CMTM8: variants seen among roughly 807,000 people sequenced by gnomAD.
CMTM8 encodes CKLF-like MARVEL transmembrane domain-containing protein 8.
A neutral mutation model predicts 18.6 loss-of-function variants in CMTM8; 12 were observed. The observed-to-expected ratio is 0.65, with a 90% CI of 0.41 to 1.05. The LOEUF is 1.05. Ranked by LOEUF, CMTM8 falls within the 50% of genes least tolerant of loss-of-function variation. The pLI is 0.00. For missense variants in CMTM8, 217 were observed against 227.2 expected, an observed-to-expected ratio of 0.95 and a Z score of 0.29; for synonymous variants, 87 against 90.6, an observed-to-expected ratio of 0.96 and a Z score of 0.23.
chr3:32,307,552 G>A (rs1286753515), intron 1 of CMTM8, among the ~76,000 whole-genome samples: 2 of 152,182 alleles, frequency 1.3e-5, no homozygotes, highest in Non-Finnish European at 2.9e-5. Context: ...AGACTGTGGA[G>A]TGGCAAGGCA....
intron 1 of CMTM8, among the ~76,000 whole-genome samples, chr3:32,279,170 TTTTTTTTTAA>T (rs1260716320): frequency 1.6e-5 from 2 of 125,404 alleles, no homozygotes; most frequent in Admixed American, 7.9e-5. Context: ...ATTAGTGATT[TTTTTTTTTAA>T]TTTTTTTTTT....
intron 1 of CMTM8, among the ~76,000 whole-genome samples, chr3:32,272,692 A>G (rs1702456375): frequency 6.6e-6 from 1 of 152,152 alleles, no homozygotes; most frequent in African/African-American, 2.4e-5. Context: ...CCCAAATGAG[A>G]GAATATGTGG....
chr3:32,254,760 T>C (rs1166265113), intron 1 of CMTM8, among the ~76,000 whole-genome samples: 1 of 152,202 alleles, frequency 6.6e-6, no homozygotes, highest in Non-Finnish European at 1.5e-5. Context: ...GTTTACATAC[T>C]GTAAAGTTCA....
At chr3:32,266,693 A>G (rs1403837334) in intron 1 of CMTM8, among the ~76,000 whole-genome samples, 7 of 152,230 alleles carry the variant, frequency 4.6e-5, no homozygotes, top group African/African-American at 1.4e-4. Context: ...ATGATTGTAT[A>G]TCTAGAAAAC....
At chr3:32,308,734 T>C (rs913889601) in intron 1 of CMTM8, among the ~76,000 whole-genome samples, 15 of 152,210 alleles carry the variant, frequency 9.9e-5, no homozygotes, top group Admixed American at 5.9e-4. Context: ...CTGCTCTTAA[T>C]GTATTTTAAT....
intron 1 of CMTM8, among the ~76,000 whole-genome samples, chr3:32,310,551 T>G (rs1485837317): frequency 1.3e-5 from 2 of 152,206 alleles, no homozygotes; most frequent in Non-Finnish European, 2.9e-5. Context: ...GTTATTTTCC[T>G]GCAGCGCGAG....
At chr3:32,333,478 A>ATTGTGT (rs1696320476) in intron 1 of CMTM8, among the ~76,000 whole-genome samples, 1 of 152,156 alleles carries the variant, frequency 6.6e-6, no homozygotes, top group South Asian at 2.1e-4. Context: ...ACCCCTGGTG[A>ATTGTGT]TTGTGTATAC....
intron 1 of CMTM8, among the ~76,000 whole-genome samples, chr3:32,265,807 C>T (rs1176453322): frequency 1.3e-5 from 2 of 152,230 alleles, no homozygotes; most frequent in Non-Finnish European, 2.9e-5. Flanking sequence ...AAACTACCAT[C>T]AGAGAATACT....
intron 1 of CMTM8, among the ~76,000 whole-genome samples, chr3:32,253,930 G>A (rs186707976): frequency 6.6e-6 from 1 of 151,682 alleles, no homozygotes; most frequent in Non-Finnish European, 1.5e-5. Flanking sequence ...TTTCACGCTT[G>A]TTGCCCAGGC....
At chr3:32,352,065 C>A (rs1224975575) in intron 1 of CMTM8, among the ~76,000 whole-genome samples, 3 of 151,540 alleles carry the variant, frequency 2.0e-5, no homozygotes, top group African/African-American at 7.3e-5. Context: ...GTAATTACAG[C>A]TACTCGGGAG....
chr3:32,275,578 C>G (rs1702504638), intron 1 of CMTM8, among the ~76,000 whole-genome samples: 1 of 151,728 alleles, frequency 6.6e-6, no homozygotes, highest in South Asian at 2.1e-4. Context: ...CCGCTCTGTC[C>G]CTCAAAGGTA....
intron 1 of CMTM8, among the ~76,000 whole-genome samples, chr3:32,297,365 A>C (rs1046880747): frequency 1.3e-5 from 2 of 152,216 alleles, no homozygotes; most frequent in African/African-American, 4.8e-5. Context: ...TTTTTAGTAG[A>C]GGTGGGGTTT....
At chr3:32,261,957 A>C (rs772976718) in intron 1 of CMTM8, among the ~76,000 whole-genome samples, 1 of 152,180 alleles carries the variant, frequency 6.6e-6, no homozygotes, top group Non-Finnish European at 1.5e-5. Context: ...CAAGGGATTT[A>C]TTATGCATCA....
chr3:32,268,113 T>C (rs554224168), intron 1 of CMTM8, among the ~76,000 whole-genome samples: 1 of 152,364 alleles, frequency 6.6e-6, no homozygotes, highest in South Asian at 2.1e-4. Context: ...CAAAGGATTA[T>C]AAATCATGCT....
intron 1 of CMTM8, among the ~76,000 whole-genome samples, chr3:32,294,560 A>C (rs1170415741): frequency 6.6e-6 from 1 of 152,064 alleles, no homozygotes; most frequent in Non-Finnish European, 1.5e-5. Flanking sequence ...CCTTGGTCAA[A>C]TTTCTTCTTG....
chr3:32,288,511 T>TTA (rs987563871), intron 1 of CMTM8, among the ~76,000 whole-genome samples: 3 of 151,340 alleles, frequency 2.0e-5, no homozygotes, highest in African/African-American at 7.3e-5. Context: ...AGCTATCATT[T>TTA]TTTTTTTGAA....
At chr3:32,284,365 GA>G (rs1184834819) in intron 1 of CMTM8, among the ~76,000 whole-genome samples, 1 of 152,242 alleles carries the variant, frequency 6.6e-6, no homozygotes, top group African/African-American at 2.4e-5. Context: ...GGAGTCTTGA[GA>G]GTTAAGTCGG....
intron 1 of CMTM8, among the ~76,000 whole-genome samples, chr3:32,336,953 C>A (rs945529312): frequency 3.9e-5 from 6 of 152,116 alleles, no homozygotes; most frequent in African/African-American, 1.2e-4. Context: ...GGGGTCATAG[C>A]TGGTGAGGGC....
At chr3:32,285,333 G>A (rs1702662640) in intron 1 of CMTM8, among the ~76,000 whole-genome samples, 1 of 151,978 alleles carries the variant, frequency 6.6e-6, no homozygotes, top group South Asian at 2.1e-4. Context: ...TGGGCAACAT[G>A]GTGAAACCCC....
Sources: gnomAD v4.1 joint callset for allele counts (sites outside exome capture counted in the v4.1 genomes callset) on GRCh38, gnomAD v4.1.1 for gene constraint, MANE v1.5 for transcripts, NCBI Gene and HGNC (gene_info 2026-07-23, HGNC 2026-07-21) for gene names.